Variants in CLASP1 observed in about 807,000 individuals in gnomAD.
CLASP1 encodes cytoplasmic linker associated protein 1, also known as CLIP-associating protein 1.
Under a neutral mutation model 192.3 loss-of-function variants are expected in CLASP1, and 38 were observed. That is an observed-to-expected ratio of 0.20 (90% confidence interval 0.15 to 0.26). The LOEUF (loss-of-function observed/expected upper bound fraction) is 0.26. CLASP1 is among the 10% of genes least tolerant of loss of function. The probability of loss-of-function intolerance (pLI) is 1.00; values close to 1 mark genes in which losing one functional copy is unlikely to be tolerated. For missense variants in CLASP1, 1,433 were observed against 1,932.5 expected (o/e 0.74, Z 4.85); for synonymous variants, 691 against 712.8 (o/e 0.97, Z 0.49).
chr2:121,490,486 TG>T (rs1157170131), intron 8 of CLASP1, among the ~76,000 whole-genome samples: 1 of 152,118 alleles, frequency 6.6e-6, no homozygotes, highest in African/African-American at 2.4e-5. Flanking sequence ...GGTTGGTGGC[TG>T]GGGGGAGGTG....
chr2:121,437,968 A>C (rs1220667944), intron 19 of CLASP1, among the ~76,000 whole-genome samples: 1 of 152,248 alleles, frequency 6.6e-6, no homozygotes, highest in Non-Finnish European at 1.5e-5. Flanking sequence ...ATATCCTTAA[A>C]AAATGCGAGT....
At chr2:121,413,045 C>T (rs2077990532) in intron 23 of CLASP1, among the ~76,000 whole-genome samples, 2 of 152,052 alleles carry the variant, frequency 1.3e-5, no homozygotes, top group Admixed American at 1.3e-4. Flanking sequence ...ATCGCTTGAG[C>T]CCAAGAGTTT....
chr2:121,548,793 C>A (rs1575877362), intron 2 of CLASP1, among the ~76,000 whole-genome samples: 1 of 151,962 alleles, frequency 6.6e-6, no homozygotes, highest in East Asian at 1.9e-4. Context: ...AAATCTTCAA[C>A]CAAGAATTTC....
intron 2 of CLASP1, among the ~76,000 whole-genome samples, chr2:121,531,162 G>A (rs982060653): frequency 3.9e-5 from 6 of 152,068 alleles, no homozygotes; most frequent in Non-Finnish European, 8.8e-5. Context: ...TAAACGGGAA[G>A]GATTTCAACA....
rs187196244 is a variant in CLASP1 at position 121,546,951 on chromosome 2, C to T, written c.196-16626G>A. Among the ~76,000 whole-genome samples, 311 of 152,288 alleles carry T rather than the reference C, an allele frequency of 2.0e-3. 1 individual carries two copies. Among genetic ancestry groups the T allele is most frequent in the African/African-American group, 7.2e-3 (298 of 41,564 alleles). On this transcript the variant is annotated intron_variant, in intron 2 of 39. Coordinates refer to ENST00000263710, the Ensembl canonical transcript of CLASP1. ...CCTACAGGTGCCTTTGGGCTGGCAACAGATCTGTGCCTTCCTGGGACAGAG... is the reference window on the plus strand; with the variant it reads ...CCTACAGGTGCCTTTGGGCTGGCAATAGATCTGTGCCTTCCTGGGACAGAG...
intron 28 of CLASP1, 58 bp downstream of exon 29, chr2:121,401,451 A>G: frequency 9.2e-6 from 13 of 1,418,258 alleles, no homozygotes; most frequent in Non-Finnish European, 1.3e-5. Flanking sequence ...GAGAATGGCA[A>G]AAAGTCACTT....
At chr2:121,531,311 C>A (rs1353439913) in intron 2 of CLASP1, among the ~76,000 whole-genome samples, 1 of 152,100 alleles carries the variant, frequency 6.6e-6, no homozygotes, top group East Asian at 1.9e-4. Context: ...AAAATGTAAT[C>A]CAGGTCGGGC....
chr2:121,612,451 G>C (rs1300949177), intron 1 of CLASP1, among the ~76,000 whole-genome samples: 1 of 151,446 alleles, frequency 6.6e-6, no homozygotes, highest in Non-Finnish European at 1.5e-5. Flanking sequence ...CTTGGAGGAG[G>C]AGGAAAAGTG....
At chr2:121,500,378 A>AAGAAAG (rs2093703433) in intron 8 of CLASP1, among the ~76,000 whole-genome samples, 1 of 135,754 alleles carries the variant, frequency 7.4e-6, no homozygotes, top group African/African-American at 3.7e-5. Context: ...GAAAGAAAGA[A>AAGAAAG]AGAAAGAAAG....
intron 2 of CLASP1, among the ~76,000 whole-genome samples, chr2:121,600,032 A>G (rs1359522546): frequency 1.3e-5 from 2 of 152,218 alleles, no homozygotes; most frequent in Admixed American, 1.3e-4. Context: ...AATTCCAAAT[A>G]AAGCCAAACT....
chr2:121,382,957 G>A (rs973135318), intron 32 of CLASP1, among the ~76,000 whole-genome samples: 6 of 152,210 alleles, frequency 3.9e-5, no homozygotes, highest in African/African-American at 1.4e-4. Context: ...GGGCAGCTCA[G>A]AGTGCTGGGT....
chr2:121,356,528 C>A (rs911507121), intron 37 of CLASP1, among the ~76,000 whole-genome samples: 1 of 152,194 alleles, frequency 6.6e-6, no homozygotes, highest in Non-Finnish European at 1.5e-5. Context: ...ACTAGCCAAG[C>A]GAGCTTGGGG....
intron 33 of CLASP1, among the ~76,000 whole-genome samples, chr2:121,381,167 A>G (rs922607184): frequency 9.9e-5 from 15 of 152,166 alleles, no homozygotes; most frequent in African/African-American, 3.6e-4. Context: ...GAGGTATAAG[A>G]GCTTCAAAAG....
intron 1 of CLASP1, among the ~76,000 whole-genome samples, chr2:121,636,871 G>A (rs942363586): frequency 2.6e-5 from 4 of 151,736 alleles, no homozygotes; most frequent in Non-Finnish European, 4.4e-5. Context: ...AAAAAACTTT[G>A]AAGAACTTTT....
At chr2:121,430,267 C>A in intron 19 of CLASP1, 90 bp from the exon 20 acceptor site, 1 of 930,284 alleles carries the variant, frequency 1.1e-6, no homozygotes, top group African/African-American at 1.7e-5. Context: ...AAGAGGGGCA[C>A]TGACCAGCCA....
chr2:121,458,559 A>G (rs983635961), intron 13 of CLASP1, among the ~76,000 whole-genome samples: 8 of 152,204 alleles, frequency 5.3e-5, no homozygotes, highest in Non-Finnish European at 1.2e-4. Context: ...TAAACTCAGA[A>G]GCAGACACCG....
chr2:121,470,652 T>C (rs2090546455), intron 8 of CLASP1: 1 of 453,564 alleles, frequency 2.2e-6, no homozygotes, highest in Non-Finnish European at 4.4e-6. Context: ...TCCTACACTT[T>C]TTTTTGTTTG....
chr2:121,493,513 T>C (rs2093406274), intron 8 of CLASP1, among the ~76,000 whole-genome samples: 1 of 151,900 alleles, frequency 6.6e-6, no homozygotes. Flanking sequence ...AATTAAAGAG[T>C]TAAACCTAAG....
intron 7 of CLASP1, among the ~76,000 whole-genome samples, chr2:121,509,145 C>A (rs998347659): frequency 3.9e-5 from 6 of 152,180 alleles, no homozygotes; most frequent in Admixed American, 3.9e-4. Context: ...GAACAAACAT[C>A]TATAAGACAT....
Sources: allele counts gnomAD v4.1 joint callset (sites outside exome capture counted in the v4.1 genomes callset), GRCh38; gene constraint gnomAD v4.1.1; transcripts MANE v1.5; gene names NCBI Gene and HGNC (gene_info 2026-07-23, HGNC 2026-07-21).